The following TRIP12 variants were observed in gnomAD, a reference collection of about 807,000 sequenced individuals.
TRIP12 encodes thyroid hormone receptor interactor 12, also known as E3 ubiquitin-protein ligase TRIP12.
In TRIP12, 25 loss-of-function variants were observed where a neutral mutation model predicts 244.2. That is an observed-to-expected ratio of 0.10 (90% CI 0.07 to 0.14). The LOEUF is 0.14. Ranked by LOEUF, TRIP12 falls within the 10% of genes least tolerant of loss-of-function variation. TRIP12 has a pLI of 1.00. For synonymous variants in TRIP12, 905 were observed against 873.1 expected (o/e 1.04, Z -0.64); for missense variants, 1,677 against 2,486.4 (o/e 0.67, Z 6.92).
upstream of TRIP12, chr2:229,922,760 C>T (rs922162690): frequency 6.7e-6 from 5 of 743,958 alleles, no homozygotes; most frequent in East Asian, 2.8e-5. Context: ...CTCGTCACCT[C>T]GGCCTCCTCG....
intron 15 of TRIP12, among the ~76,000 whole-genome samples, chr2:229,809,267 G>A (rs2046657944): frequency 6.6e-6 from 1 of 151,926 alleles, no homozygotes; most frequent in Non-Finnish European, 1.5e-5. Flanking sequence ...ACTTTATAGA[G>A]AAGTTTGAAT....
Position 229,799,230 on chromosome 2 carries a change from C to T in TRIP12, c.3307+53G>A, listed in dbSNP as rs1202802602. On this transcript the variant is annotated intron_variant, in intron 22 of 41. Transcript: ENST00000675903. ...GCAGTTTTAATAAAGTACATTTCTG[C>T]ACCTGCTACCACCCTCCCCTTTACC... 5.0e-6 allele frequency: 8 copies of T among 1,588,414 alleles called. No individual in the cohort carries two copies. The Admixed American group carries it at 6.7e-5, about 13-fold the overall frequency.
At chr2:229,908,359 G>A (rs1560294104) in intron 1 of TRIP12, among the ~76,000 whole-genome samples, 1 of 152,204 alleles carries the variant, frequency 6.6e-6, no homozygotes, top group Non-Finnish European at 1.5e-5. Flanking sequence ...CAACTATTCT[G>A]AGAAATATCT....
chr2:229,850,350 G>A (rs1291797733), intron 4 of TRIP12, among the ~76,000 whole-genome samples: 7 of 151,992 alleles, frequency 4.6e-5, no homozygotes, highest in South Asian at 4.1e-4. Context: ...TTTTCAAAGC[G>A]GTCACATATT....
chr2:229,859,848 G>A (rs570623896), intron 3 of TRIP12, among the ~76,000 whole-genome samples: 1 of 152,176 alleles, frequency 6.6e-6, no homozygotes, highest in Non-Finnish European at 1.5e-5. Flanking sequence ...CAAGAATTAA[G>A]ATTACAAGAA....
chr2:229,808,121 T>C (rs1180459082), intron 16 of TRIP12, 131 bp downstream of exon 16: 20 of 739,044 alleles, frequency 2.7e-5, no homozygotes, highest in Non-Finnish European at 3.7e-5. Flanking sequence ...CGCCCGCCAC[T>C]ACGCCCAGGT....
At chr2:229,855,821 C>G (rs2059511560) in intron 4 of TRIP12, among the ~76,000 whole-genome samples, 1 of 151,922 alleles carries the variant, frequency 6.6e-6, no homozygotes, top group South Asian at 2.1e-4. Context: ...GCGGGCAGAT[C>G]ACCTGAAGTC....
Position 229,808,341 on chromosome 2 carries a change from C to T in TRIP12, c.2250G>A (p.Leu750=). The change falls in exon 16 of 42, where the codon CTG becomes CTA. Residue 750 remains leucine, a synonymous_variant. Transcript: ENST00000675903. ...QNIAETLHFL[L]CGASNGSCQE... is the part of the protein sequence containing the mutation. ...GACAACTTCCATTGGAGGCACCACA[C>T]AGGAGAAAGTGAAGCGTTTCTGCAA... The T allele has an allele frequency of 6.2e-7, 1 of 1,613,360 alleles. No individual in the cohort carries two copies. Among genetic ancestry groups the T allele is most frequent in the South Asian group, 1.1e-5 (1 of 91,070 alleles).
intron 2 of TRIP12, among the ~76,000 whole-genome samples, chr2:229,878,958 A>G (rs752993820): frequency 3.3e-5 from 5 of 151,670 alleles, no homozygotes; most frequent in Admixed American, 6.6e-5. Context: ...AGATAATCCT[A>G]TTAGAATTCA....
chr2:229,838,524 C>T (rs751721951), intron 5 of TRIP12, among the ~76,000 whole-genome samples: 1 of 152,156 alleles, frequency 6.6e-6, no homozygotes, highest in Non-Finnish European at 1.5e-5. Flanking sequence ...TAATTTCGCA[C>T]GTGCTAATTA....
chr2:229,806,839 T>G (rs1482454607), intron 17 of TRIP12, among the ~76,000 whole-genome samples: 3 of 152,200 alleles, frequency 2.0e-5, no homozygotes, highest in Admixed American at 2.0e-4. Context: ...TAAAGAAGAC[T>G]GTCTATTCAA....
chr2:229,797,974 T>A, intron 23 of TRIP12, 143 bp from the exon 24 acceptor site: 2 of 830,476 alleles, frequency 2.4e-6, no homozygotes, highest in Non-Finnish European at 3.6e-6. Flanking sequence ...ATAACCAAAT[T>A]AACTTTCACT....
At chr2:229,919,393 C>A (rs151201412) in intron 1 of TRIP12, among the ~76,000 whole-genome samples, 2 of 150,278 alleles carry the variant, frequency 1.3e-5, no homozygotes, top group African/African-American at 2.4e-5. Flanking sequence ...CCAGCCTAGG[C>A]GACAGAGCAA....
intron 4 of TRIP12, among the ~76,000 whole-genome samples, chr2:229,852,528 T>C (rs1258833282): frequency 1.3e-5 from 2 of 152,174 alleles, no homozygotes; most frequent in Non-Finnish European, 2.9e-5. Flanking sequence ...TGTATAAAAT[T>C]TGCAAAAATG....
chr2:229,873,805 A>G (rs1226086556), intron 2 of TRIP12, among the ~76,000 whole-genome samples: 1 of 152,144 alleles, frequency 6.6e-6, no homozygotes, highest in Non-Finnish European at 1.5e-5. Context: ...TTTACTGAGT[A>G]ATACATAATT....
At chr2:229,785,922 CATTTCTTG>C in intron 33 of TRIP12, 67 bp from the exon 34 acceptor site, 1 of 1,405,102 alleles carries the variant, frequency 7.1e-7, no homozygotes, top group South Asian at 1.4e-5. Flanking sequence ...AAACAGGTGG[CATTTCTTG>C]AAATGCAAAA....
intron 21 of TRIP12, among the ~76,000 whole-genome samples, 175 bp from the exon 22 acceptor site, chr2:229,799,558 C>T (rs1464033539): frequency 3.9e-5 from 6 of 152,076 alleles, no homozygotes; most frequent in African/African-American, 1.4e-4. Context: ...GGGCAGATCA[C>T]GAGGTCAGGA....
At position 229,765,359 on chromosome 2, in the gene TRIP12, G is replaced by A. The variant is rs1037458337; in HGVS notation, c.*2195C>T. 4.3e-4 allele frequency: 65 copies of A among 152,182 alleles called. No individual in the cohort carries two copies. Among genetic ancestry groups the A allele is most frequent in the African/African-American group, 1.4e-3 (57 of 41,448 alleles). The allele number at this position is 152,182 out of a possible 1,614,324, so 9.4% of individuals were successfully genotyped here. ...GAAGTATATACTTTTTCCCTCTGGTGCAATAAGGCCTCTGCCAAGAGAGAT... is the reference window on the plus strand; with the variant it reads ...GAAGTATATACTTTTTCCCTCTGGTACAATAAGGCCTCTGCCAAGAGAGAT... On this transcript the variant is annotated 3_prime_UTR_variant, in exon 42 of 42. Transcript: ENST00000675903.
At chr2:229,861,153 A>C (rs902773970) in intron 2 of TRIP12, among the ~76,000 whole-genome samples, 3 of 152,224 alleles carry the variant, frequency 2.0e-5, no homozygotes, top group African/African-American at 7.2e-5. Flanking sequence ...GAACACAAAA[A>C]AGTCCTGGAG....
Sources: gnomAD v4.1 joint callset for allele counts (sites outside exome capture counted in the v4.1 genomes callset) on GRCh38, gnomAD v4.1.1 for gene constraint, MANE v1.5 for transcripts, NCBI Gene and HGNC (gene_info 2026-07-23, HGNC 2026-07-21) for gene names.